Variants in PAK1 observed in about 807,000 individuals in gnomAD.
PAK1 encodes the protein serine/threonine-protein kinase PAK 1.
In PAK1, 29 loss-of-function variants were observed where a neutral mutation model predicts 67.4. The ratio of observed to expected loss-of-function variants is 0.43; its 90% confidence interval spans 0.32 to 0.59. The LOEUF (loss-of-function observed/expected upper bound fraction) is 0.59, where lower values mean the gene tolerates loss of function less well. Among genes scored for constraint, PAK1 ranks in the 20% least tolerant of loss-of-function variants. The probability of loss-of-function intolerance (pLI) is 0.07; values close to 1 mark genes in which losing one functional copy is unlikely to be tolerated. For missense variants in PAK1, 337 were observed against 670.7 expected (o/e 0.50, Z 5.50); for synonymous variants, 223 against 237.4 (o/e 0.94, Z 0.56).
At chr11:77,390,946 G>A (rs1011446129) in intron 2 of PAK1, among the ~76,000 whole-genome samples, 18 of 152,128 alleles carry the variant, frequency 1.2e-4, no homozygotes, top group African/African-American at 4.1e-4. Context: ...CAATACATGA[G>A]ATCTGCTTAT....
intron 1 of PAK1, among the ~76,000 whole-genome samples, chr11:77,419,601 T>C (rs907120682): frequency 1.3e-5 from 2 of 152,214 alleles, no homozygotes; most frequent in Non-Finnish European, 1.5e-5. Context: ...TGATGACTAG[T>C]GTGATTGAAG....
At chr11:77,431,843 T>A (rs10501425) in intron 1 of PAK1, among the ~76,000 whole-genome samples, 9,557 of 152,260 alleles carry the variant, frequency 0.063, 668 homozygotes, top group East Asian at 0.24. Context: ...AGAAAGGATA[T>A]ACCTGAAGTC....
At chr11:77,394,554 A>AT (rs1341293389) in intron 1 of PAK1, among the ~76,000 whole-genome samples, 1 of 152,046 alleles carries the variant, frequency 6.6e-6, no homozygotes, top group African/African-American at 2.4e-5. Flanking sequence ...CTACTTTTAA[A>AT]ACCCTTCACT....
At chr11:77,387,595 T>C (rs987959261) in intron 2 of PAK1, among the ~76,000 whole-genome samples, 4 of 152,216 alleles carry the variant, frequency 2.6e-5, no homozygotes, top group Non-Finnish European at 5.9e-5. Flanking sequence ...AATAAAACAA[T>C]AAATGAGGTT....
At chr11:77,491,353 CA>C in the PAK1 span, among the ~76,000 whole-genome samples, 2 of 151,654 alleles carry the variant, frequency 1.3e-5, no homozygotes, top group Non-Finnish European at 2.9e-5. Flanking sequence ...AAGTTAAAAG[CA>C]GGGGGATGAA....
At chr11:77,324,743 A>G (rs962843318) in intron 14 of PAK1, among the ~76,000 whole-genome samples, 5 of 136,048 alleles carry the variant, frequency 3.7e-5, no homozygotes, top group East Asian at 2.1e-4. Flanking sequence ...CATATTGTAT[A>G]TATGTATACA....
chr11:77,425,569 C>T (rs1955505852), intron 1 of PAK1, among the ~76,000 whole-genome samples: 1 of 152,188 alleles, frequency 6.6e-6, no homozygotes, highest in East Asian at 1.9e-4. Flanking sequence ...ACCACAGCCA[C>T]CATTATCTTC....
intron 6 of PAK1, among the ~76,000 whole-genome samples, chr11:77,358,156 T>C (rs962436255): frequency 6.6e-6 from 1 of 152,210 alleles, no homozygotes; most frequent in African/African-American, 2.4e-5. Flanking sequence ...AGCCCTTTTT[T>C]TTTTCTTTCA....
chr11:77,385,821 G>T (rs1277296323), intron 2 of PAK1, among the ~76,000 whole-genome samples: 1 of 152,022 alleles, frequency 6.6e-6, no homozygotes, highest in Non-Finnish European at 1.5e-5. Context: ...TCGCGCCACT[G>T]CACTCTAGCC....
chr11:77,374,181 C>A (rs550707163), intron 5 of PAK1, 147 bp downstream of exon 5: 4 of 449,636 alleles, frequency 8.9e-6, no homozygotes, highest in Non-Finnish European at 1.6e-5. Flanking sequence ...TATCTAATTT[C>A]TTTATTGGAT....
chr11:77,468,987 AT>A (rs2135553592), intron 1 of PAK1, among the ~76,000 whole-genome samples: 1 of 152,226 alleles, frequency 6.6e-6, no homozygotes, highest in African/African-American at 2.4e-5. Context: ...GAAAGATGTT[AT>A]TTTTCCTGTA....
intron 5 of PAK1, among the ~76,000 whole-genome samples, chr11:77,368,868 A>C (rs1321210817): frequency 6.6e-6 from 1 of 152,108 alleles, no homozygotes; most frequent in African/African-American, 2.4e-5. Context: ...GGCCGGTAAA[A>C]ATACTTTTAA....
chr11:77,388,197 T>C (rs1281413939), intron 2 of PAK1, among the ~76,000 whole-genome samples: 3 of 151,840 alleles, frequency 2.0e-5, no homozygotes, highest in Non-Finnish European at 4.4e-5. Flanking sequence ...AGATCAGATT[T>C]AGCCTAAGGT....
At chr11:77,377,672 GTC>G (rs1263953500) in intron 4 of PAK1, among the ~76,000 whole-genome samples, 7 of 152,282 alleles carry the variant, frequency 4.6e-5, no homozygotes, top group Non-Finnish European at 5.9e-5. Flanking sequence ...ACAGGGCTAT[GTC>G]TCTGTTTACA....
At chr11:77,345,734 G>A (rs1325815409) in intron 9 of PAK1, among the ~76,000 whole-genome samples, 2 of 152,198 alleles carry the variant, frequency 1.3e-5, no homozygotes, top group East Asian at 1.9e-4. Flanking sequence ...TATAACAGCT[G>A]AGCATTAGTT....
the PAK1 span, among the ~76,000 whole-genome samples, chr11:77,492,296 C>T: frequency 6.6e-6 from 1 of 151,572 alleles, no homozygotes; most frequent in Non-Finnish European, 1.5e-5. Flanking sequence ...GATCACGCCA[C>T]TGCACACCAG....
intron 1 of PAK1, among the ~76,000 whole-genome samples, chr11:77,472,943 T>A (rs1957936192): frequency 6.6e-6 from 1 of 152,202 alleles, no homozygotes; most frequent in Admixed American, 6.5e-5. Flanking sequence ...AACAATCATG[T>A]CTTTTCAAAC....
chr11:77,365,510 G>A (rs551663188), intron 5 of PAK1, among the ~76,000 whole-genome samples: 20 of 151,822 alleles, frequency 1.3e-4, no homozygotes, highest in African/African-American at 4.3e-4. Context: ...CAAGAACCTC[G>A]ATAAATCCCA....
intron 1 of PAK1, among the ~76,000 whole-genome samples, chr11:77,400,517 A>ATACAAT (rs1427898601): frequency 6.6e-6 from 1 of 152,206 alleles, no homozygotes; most frequent in Non-Finnish European, 1.5e-5. Context: ...CTGAGGACTC[A>ATACAAT]GTGATGCCTT....
Sources: gnomAD v4.1 joint callset for allele counts (sites outside exome capture counted in the v4.1 genomes callset) on GRCh38, gnomAD v4.1.1 for gene constraint, MANE v1.5 for transcripts, NCBI Gene and HGNC (gene_info 2026-07-23, HGNC 2026-07-21) for gene names.